The following ZNF407 variants were observed in gnomAD, a reference collection of about 807,000 sequenced individuals.
ZNF407 encodes zinc finger protein 407.
ZNF407 carries 17 observed loss-of-function variants against 131.2 expected under a neutral mutation model. That is an observed-to-expected ratio of 0.13 (90% CI 0.09 to 0.19). The LOEUF (loss-of-function observed/expected upper bound fraction) is 0.19. ZNF407 is among the 10% of genes least tolerant of loss of function. The pLI is 1.00. For synonymous variants in ZNF407, 1,156 were observed against 1,062.0 expected, an observed-to-expected ratio of 1.09 and a Z score of -1.72; for missense variants, 2,681 against 2,830.6, an observed-to-expected ratio of 0.95 and a Z score of 1.20.
intron 8 of ZNF407, among the ~76,000 whole-genome samples, chr18:74,986,144 A>G (rs1467282216): frequency 6.6e-6 from 1 of 152,140 alleles, no homozygotes; most frequent in Non-Finnish European, 1.5e-5. Context: ...CTCACAGCAC[A>G]CAGCAGTTTC....
intron 3 of ZNF407, among the ~76,000 whole-genome samples, chr18:74,729,549 C>T (rs1435000669): frequency 6.6e-6 from 1 of 151,908 alleles, no homozygotes; most frequent in Non-Finnish European, 1.5e-5. Flanking sequence ...CATTCGTTTA[C>T]TGTGAATTTG....
chr18:74,931,497 A>G (rs1971981953), intron 8 of ZNF407, among the ~76,000 whole-genome samples: 1 of 152,224 alleles, frequency 6.6e-6, no homozygotes, highest in African/African-American at 2.4e-5. Flanking sequence ...AATAAAAACC[A>G]CAGTGAAATT....
chr18:74,805,245 C>T (rs536147032), intron 4 of ZNF407, among the ~76,000 whole-genome samples: 71 of 152,248 alleles, frequency 4.7e-4, no homozygotes, highest in African/African-American at 1.7e-3. Flanking sequence ...CGTCTTTCAT[C>T]TTACTCTTCT....
At chr18:74,991,263 A>C (rs1972715531) in intron 8 of ZNF407, among the ~76,000 whole-genome samples, 1 of 152,214 alleles carries the variant, frequency 6.6e-6, no homozygotes, top group Non-Finnish European at 1.5e-5. Context: ...AGCTTCACAT[A>C]GCTGTTTGTG....
intron 3 of ZNF407, among the ~76,000 whole-genome samples, chr18:74,665,130 A>G (rs1486404960): frequency 2.0e-5 from 3 of 152,116 alleles, no homozygotes; most frequent in African/African-American, 7.2e-5. Flanking sequence ...TTTCCTGCCT[A>G]TTGTATTTTT....
intron 8 of ZNF407, among the ~76,000 whole-genome samples, chr18:74,968,958 A>G (rs1972440635): frequency 6.6e-6 from 1 of 152,016 alleles, no homozygotes. Context: ...ATTTTGTTCC[A>G]GCCGGCTTTT....
intron 4 of ZNF407, among the ~76,000 whole-genome samples, chr18:74,839,649 A>C (rs2145129512): frequency 6.6e-6 from 1 of 152,312 alleles, no homozygotes; most frequent in South Asian, 2.1e-4. Flanking sequence ...CCAGGTTACT[A>C]AATGTAACTG....
At chr18:74,709,555 G>T (rs916729016) in intron 3 of ZNF407, among the ~76,000 whole-genome samples, 1 of 152,188 alleles carries the variant, frequency 6.6e-6, no homozygotes, top group Non-Finnish European at 1.5e-5. Context: ...CATTTATCCA[G>T]CATGGCTAGG....
At chr18:75,059,026 A>G (rs1024966056) in intron 8 of ZNF407, among the ~76,000 whole-genome samples, 2 of 152,220 alleles carry the variant, frequency 1.3e-5, no homozygotes, top group Admixed American at 1.3e-4. Context: ...GCTCGCATTT[A>G]TGAACTGTGA....
At chr18:74,806,434 G>A (rs1308396600) in intron 4 of ZNF407, among the ~76,000 whole-genome samples, 1 of 152,192 alleles carries the variant, frequency 6.6e-6, no homozygotes, top group African/African-American at 2.4e-5. Flanking sequence ...GAAGGCGAGA[G>A]CCAGGGGTGG....
At chr18:74,948,475 GACAT>G (rs1329905692) in intron 8 of ZNF407, among the ~76,000 whole-genome samples, 2 of 152,104 alleles carry the variant, frequency 1.3e-5, no homozygotes, top group Non-Finnish European at 2.9e-5. Flanking sequence ...AGTATCCATA[GACAT>G]CAGCTTTGCA....
In ZNF407 at chr18:75,064,009, G is replaced by C. The variant is rs373510945; in HGVS notation, c.6288G>C (p.Gln2096His). The C allele has an allele frequency of 4.4e-5, 71 of 1,609,272 alleles. No individual in the cohort carries two copies. The African/African-American group carries it at 8.0e-4, about 18-fold the overall frequency. Reference sequence around the variant, plus strand: ...TGTGTGACACGGCCGCGGCCGGCCAGTTGGTCAAGGACGGTGTCACCCAGG... The same window carrying C: ...TGTGTGACACGGCCGCGGCCGGCCACTTGGTCAAGGACGGTGTCACCCAGG... ...FAVCDTAAAG[Q>H]LVKDGVTQVV... Residue 2096 changes from glutamine to histidine, a missense_variant, in exon 9 of 9, where the codon CAG becomes CAC. Transcript: ENST00000299687.
chr18:75,004,678 A>T (rs1440334787), intron 8 of ZNF407, among the ~76,000 whole-genome samples: 1 of 152,188 alleles, frequency 6.6e-6, no homozygotes, highest in East Asian at 1.9e-4. Context: ...GGTTTATCAC[A>T]CTTAGCTAAT....
chr18:74,679,211 C>T (rs1026054010), intron 3 of ZNF407, among the ~76,000 whole-genome samples: 2 of 152,206 alleles, frequency 1.3e-5, no homozygotes, highest in African/African-American at 4.8e-5. Context: ...TTCTGAAAAA[C>T]GTAATTGCCA....
intron 7 of ZNF407, among the ~76,000 whole-genome samples, chr18:74,902,239 G>C (rs1318580640): frequency 2.3e-4 from 35 of 152,310 alleles, no homozygotes; most frequent in Non-Finnish European, 1.9e-4. Context: ...CCGTGCCTGG[G>C]CCGGGGCTCA....
At chr18:74,753,468 A>T (rs1365369005) in intron 3 of ZNF407, among the ~76,000 whole-genome samples, 1 of 152,186 alleles carries the variant, frequency 6.6e-6, no homozygotes, top group South Asian at 2.1e-4. Flanking sequence ...GTTTTTGCCC[A>T]TTCAGTATGA....
chr18:74,993,106 C>A (rs1275705707), intron 8 of ZNF407, among the ~76,000 whole-genome samples: 1 of 152,092 alleles, frequency 6.6e-6, no homozygotes, highest in Non-Finnish European at 1.5e-5. Context: ...TACTTACTTA[C>A]CATATGACCC....
At chr18:74,616,985 TCCA>T (rs1983327622) in intron 1 of ZNF407, among the ~76,000 whole-genome samples, 1 of 112,566 alleles carries the variant, frequency 8.9e-6, no homozygotes, top group African/African-American at 3.7e-5. Flanking sequence ...CACATCCATA[TCCA>T]CGCACCACAC....
At chr18:74,856,786 A>G (rs573799243) in intron 4 of ZNF407, among the ~76,000 whole-genome samples, 15 of 152,354 alleles carry the variant, frequency 9.8e-5, no homozygotes, top group African/African-American at 3.6e-4. Context: ...TTTGTACTAT[A>G]TAATAAGTTT....
Sources: allele counts gnomAD v4.1 joint callset (sites outside exome capture counted in the v4.1 genomes callset), GRCh38; gene constraint gnomAD v4.1.1; transcripts MANE v1.5; gene names NCBI Gene and HGNC (gene_info 2026-07-23, HGNC 2026-07-21).